The following MIR2052HG variants were observed in gnomAD, a reference collection of about 807,000 sequenced individuals.
MIR2052HG encodes MIR2052 host gene.
At chr8:74,608,565 T>G (rs1808146434) in intron 1 of MIR2052HG, among the ~76,000 whole-genome samples, 1 of 152,162 alleles carries the variant, frequency 6.6e-6, no homozygotes. Context: ...ACACTAAATA[T>G]TTACCAAGAT....
At chr8:74,682,052 G>T (rs1809131219) in intron 2 of MIR2052HG, among the ~76,000 whole-genome samples, 1 of 152,258 alleles carries the variant, frequency 6.6e-6, no homozygotes, top group East Asian at 1.9e-4. Flanking sequence ...GAGCAGGTGG[G>T]TGTTTGTGAA....
At chr8:74,633,091 C>T (rs1422191943) in intron 2 of MIR2052HG, 2 of 152,564 alleles carry the variant, frequency 1.3e-5, no homozygotes, top group Admixed American at 1.3e-4. Context: ...TTGATCATGG[C>T]TCACTGCAGC....
At chr8:74,621,536 C>T (rs931784399) in intron 2 of MIR2052HG, among the ~76,000 whole-genome samples, 1 of 152,190 alleles carries the variant, frequency 6.6e-6, no homozygotes, top group African/African-American at 2.4e-5. Flanking sequence ...ACCCTCTTCA[C>T]AGGGCAGCAG....
rs189542918 is a variant in MIR2052HG at position 74,620,043 on chromosome 8, T to G, written n.216+7103T>G. On this transcript the variant is annotated intron_variant and non_coding_transcript_variant, in intron 2 of 6. Transcript: ENST00000523442. ...GTATAGCCATTCCAATGGGAGAAAT[T>G]AACTAAAACAAAGGGGCTACAGGCC... 4.0e-4 allele frequency among the ~76,000 whole-genome samples: 61 copies of G among 152,242 alleles called. 1 individual carries two copies. Among genetic ancestry groups the G allele is most frequent in the African/African-American group, 1.4e-3 (60 of 41,548 alleles).
At chr8:74,719,849 CTTTTTTTTTTTTT>C (rs10647233) in intron 4 of MIR2052HG, among the ~76,000 whole-genome samples, 4,502 of 106,774 alleles carry the variant, frequency 0.042, 215 homozygotes, top group African/African-American at 0.14. Flanking sequence ...TTTCTTTTTT[CTTTTTTTTTTTTT>C]TTTTGAGAGG....
In MIR2052HG at chr8:74,730,261, T is replaced by C. The variant is rs115330085; in HGVS notation, n.372-22180T>C. Among the ~76,000 whole-genome samples the C allele has an allele frequency of 4.9e-3, 749 of 152,300 alleles. 10 individuals are homozygous for C. Among genetic ancestry groups the C allele is most frequent in the African/African-American group, 0.017 (698 of 41,574 alleles). On this transcript the variant is annotated intron_variant and non_coding_transcript_variant, in intron 4 of 6. Coordinates refer to ENST00000523442, the Ensembl canonical transcript of MIR2052HG. ...TTACCTTTTACATTTCCTTAATAATTTGATACTACTTTTCCAGGATCCAGC... is the reference window on the plus strand; with the variant it reads ...TTACCTTTTACATTTCCTTAATAATCTGATACTACTTTTCCAGGATCCAGC...
intron 2 of MIR2052HG, among the ~76,000 whole-genome samples, chr8:74,630,554 G>A (rs1009967366): frequency 6.7e-6 from 1 of 149,092 alleles, no homozygotes. Flanking sequence ...AGAAAAAAGG[G>A]CAATCCAGCT....
At chr8:74,677,925 T>A (rs1215693003) in intron 2 of MIR2052HG, among the ~76,000 whole-genome samples, 2 of 152,064 alleles carry the variant, frequency 1.3e-5, no homozygotes, top group Admixed American at 1.3e-4. Context: ...AGGAAAGAAG[T>A]TACAAATATT....
chr8:74,704,546 T>A (rs4352821), intron 4 of MIR2052HG, among the ~76,000 whole-genome samples: 3,556 of 152,152 alleles, frequency 0.023, 138 homozygotes, highest in African/African-American at 0.081. Context: ...TTCCCCTTTT[T>A]CTTTTTACTA....
intron 2 of MIR2052HG, among the ~76,000 whole-genome samples, chr8:74,644,698 C>T (rs1046604755): frequency 6.6e-6 from 1 of 151,908 alleles, no homozygotes; most frequent in East Asian, 1.9e-4. Flanking sequence ...CAAGACCAGC[C>T]TGGGAAACAT....
Position 74,670,886 on chromosome 8 carries a change from C to A in MIR2052HG, n.217-31493C>A, listed in dbSNP as rs985967327. Among the ~76,000 whole-genome samples, 6 of 151,656 alleles carry A rather than the reference C, an allele frequency of 4.0e-5. No individual in the cohort carries two copies. The South Asian group carries it at 1.0e-3, about 26-fold the overall frequency. On this transcript the variant is annotated intron_variant and non_coding_transcript_variant, in intron 2 of 6. Transcript: ENST00000523442. Reference sequence around the variant, plus strand: ...CTTTCTCTTTTTTTTTCTTCTTCTCCTTTTTCTTGCTCCAACTCCTAACCT... The same window carrying A: ...CTTTCTCTTTTTTTTTCTTCTTCTCATTTTTCTTGCTCCAACTCCTAACCT...
chr8:74,669,049 T>C (rs990263636), intron 2 of MIR2052HG, among the ~76,000 whole-genome samples: 2 of 152,196 alleles, frequency 1.3e-5, no homozygotes, highest in Non-Finnish European at 2.9e-5. Flanking sequence ...CATCCATGTC[T>C]CCAACTTTAT....
At chr8:74,738,738 C>T (rs1161930118) in intron 4 of MIR2052HG, among the ~76,000 whole-genome samples, 3 of 152,154 alleles carry the variant, frequency 2.0e-5, no homozygotes, top group African/African-American at 7.2e-5. Context: ...TTCAAGATAA[C>T]TCCACTTTAG....
intron 5 of MIR2052HG, among the ~76,000 whole-genome samples, chr8:74,755,386 G>C (rs1456802286): frequency 6.6e-6 from 1 of 152,136 alleles, no homozygotes; most frequent in Non-Finnish European, 1.5e-5. Flanking sequence ...ACAAATACGC[G>C]GTTTCAGTTG....
intron 2 of MIR2052HG, among the ~76,000 whole-genome samples, chr8:74,649,279 A>T (rs941354032): frequency 6.6e-6 from 1 of 152,194 alleles, no homozygotes; most frequent in African/African-American, 2.4e-5. Flanking sequence ...GAAATATTTT[A>T]TGAAAATGAC....
intron 2 of MIR2052HG, among the ~76,000 whole-genome samples, chr8:74,671,113 CGTGTGTGTGT>C (rs34920389): frequency 6.7e-6 from 1 of 148,444 alleles, no homozygotes; most frequent in African/African-American, 2.5e-5. Flanking sequence ...TGAGAGTGTA[CGTGTGTGTGT>C]GTGTGTGTGT....
At chr8:74,679,722 A>T (rs2128738920) in intron 2 of MIR2052HG, among the ~76,000 whole-genome samples, 1 of 151,744 alleles carries the variant, frequency 6.6e-6, no homozygotes, top group East Asian at 1.9e-4. Flanking sequence ...GTTTTGTTTT[A>T]GTAGAGATGG....
At chr8:74,657,775 C>A (rs1286826411) in intron 2 of MIR2052HG, among the ~76,000 whole-genome samples, 2 of 152,100 alleles carry the variant, frequency 1.3e-5, no homozygotes, top group African/African-American at 4.8e-5. Context: ...AAAGACTTGC[C>A]CCCATGATTC....
chr8:74,626,924 G>T (rs1322041367), intron 2 of MIR2052HG, among the ~76,000 whole-genome samples: 1 of 152,202 alleles, frequency 6.6e-6, no homozygotes, highest in African/African-American at 2.4e-5. Flanking sequence ...AAAAAGAACA[G>T]AAATCCTTAA....
Sources: gnomAD v4.1 joint callset for allele counts (sites outside exome capture counted in the v4.1 genomes callset) on GRCh38, gnomAD v4.1.1 for gene constraint, MANE v1.5 for transcripts, NCBI Gene and HGNC (gene_info 2026-07-23, HGNC 2026-07-21) for gene names.